Variants in NRG1 observed in about 807,000 individuals in gnomAD.
The protein encoded by NRG1 is pro-neuregulin-1, membrane-bound isoform.
NRG1 carries 18 observed loss-of-function variants against 63.8 expected under a neutral mutation model. That is an observed-to-expected ratio of 0.28 (90% CI 0.19 to 0.42). The LOEUF is 0.42. NRG1 is among the 10% of genes least tolerant of loss of function. The probability of loss-of-function intolerance (pLI) is 1.00; values close to 1 mark genes in which losing one functional copy is unlikely to be tolerated. For missense variants in NRG1, 762 were observed against 814.7 expected, an observed-to-expected ratio of 0.94 and a Z score of 0.79; for synonymous variants, 302 against 301.3, an observed-to-expected ratio of 1.00 and a Z score of -0.02.
intron 1 of NRG1, among the ~76,000 whole-genome samples, chr8:32,313,993 G>T (rs1857096892): frequency 6.6e-6 from 1 of 151,994 alleles, no homozygotes; most frequent in East Asian, 1.9e-4. Flanking sequence ...CCCAATGCTG[G>T]CCAGGTCATG....
In NRG1 at chr8:32,189,617, G is replaced by A. The variant is rs759519987; in HGVS notation, c.38-406211G>A. On this transcript the variant is annotated intron_variant, in intron 1 of 10. Coordinates refer to the NRG1 transcript ENST00000519301. Reference sequence around the variant, plus strand: ...AAGAAAGCAACTATAAAATGTCTGGGATAATGCCTATCAGGGTGGGGCTGC... The same window carrying A: ...AAGAAAGCAACTATAAAATGTCTGGAATAATGCCTATCAGGGTGGGGCTGC... 1.6e-4 allele frequency among the ~76,000 whole-genome samples: 25 copies of A among 152,102 alleles called. 1 individual carries two copies. The highest frequency in any genetic ancestry group is 1.6e-3 in the Admixed American group (24 of 15,266).
At chr8:32,595,333 G>T (rs1843167116) in intron 1 of NRG1, among the ~76,000 whole-genome samples, 1 of 151,946 alleles carries the variant, frequency 6.6e-6, no homozygotes, top group Admixed American at 6.6e-5. Flanking sequence ...GGGACTACAG[G>T]CACATGCCAC....
chr8:31,918,670 G>T lies in NRG1; in HGVS notation c.37+279239G>T, dbSNP rs1244239639. On this transcript the variant is annotated intron_variant, in intron 1 of 10. Coordinates refer to the NRG1 transcript ENST00000519301. Reference sequence around the variant, plus strand: ...ATATTGGTCTAAAATTCTCTTTTTTGTTTGTGTCTCTGTCCGGCTTTGGTA... The same window carrying T: ...ATATTGGTCTAAAATTCTCTTTTTTTTTTGTGTCTCTGTCCGGCTTTGGTA... Among the ~76,000 whole-genome samples, 26 of 152,024 alleles carry T rather than the reference G, an allele frequency of 1.7e-4. No homozygotes were observed. In the East Asian group the frequency reaches 3.1e-3, roughly 18 times the overall value.
chr8:32,196,940 A>ATTT (rs1458233142), intron 1 of NRG1, among the ~76,000 whole-genome samples: 9 of 33,976 alleles, frequency 2.6e-4, no homozygotes, highest in Admixed American at 5.2e-4. Flanking sequence ...TTCTCAGAAC[A>ATTT]TTCTTTTTTT....
At position 32,133,332 on chromosome 8, in the gene NRG1, G is replaced by C. The variant is rs142047401; in HGVS notation, c.38-462496G>C. Among the ~76,000 whole-genome samples, 184 of 152,120 alleles carry C rather than the reference G, an allele frequency of 1.2e-3. 1 individual carries two copies. The highest frequency in any genetic ancestry group is 4.2e-3 in the African/African-American group (173 of 41,510). ...GGTATGGAGAAGTCCCTGAATTCTA[G>C]TTTTTGCCAAATTCTGTGATGCAAA... On this transcript the variant is annotated intron_variant, in intron 1 of 10. Coordinates refer to the NRG1 transcript ENST00000519301.
chr8:32,765,875 G>A (rs2129063784), exon 12 of NRG1: 1 of 152,242 alleles, frequency 6.6e-6, no homozygotes, highest in East Asian at 1.9e-4. Flanking sequence ...AAATCCAAAG[G>A]AAGGCCTATA....
At chr8:32,747,722 A>ATGTG (rs202124854) in intron 7 of NRG1, among the ~76,000 whole-genome samples, 2 of 134,276 alleles carry the variant, frequency 1.5e-5, no homozygotes, top group East Asian at 2.3e-4. Flanking sequence ...GTGTGCATAT[A>ATGTG]TGTGTGTGTG....
At chr8:31,654,800 G>C (rs1288600966) in intron 1 of NRG1, among the ~76,000 whole-genome samples, 1 of 152,100 alleles carries the variant, frequency 6.6e-6, no homozygotes, top group African/African-American at 2.4e-5. Flanking sequence ...AATTTGCCAG[G>C]CTTGGTGGTG....
intron 1 of NRG1, among the ~76,000 whole-genome samples, chr8:31,747,258 G>A (rs568374689): frequency 6.6e-6 from 1 of 152,026 alleles, no homozygotes; most frequent in South Asian, 2.1e-4. Context: ...TTGCATGCCT[G>A]TATCAAAGCA....
intron 1 of NRG1, among the ~76,000 whole-genome samples, chr8:32,574,562 A>G (rs1839257873): frequency 6.6e-6 from 1 of 152,088 alleles, no homozygotes; most frequent in Non-Finnish European, 1.5e-5. Flanking sequence ...CCTCATGATA[A>G]TGACTAAGAT....
intron 1 of NRG1, among the ~76,000 whole-genome samples, chr8:31,939,474 T>C (rs1168992199): frequency 6.6e-6 from 1 of 150,728 alleles, no homozygotes. Context: ...AGCATAAATC[T>C]CACAGTACCT....
At chr8:32,556,963 A>AAT (rs1199245098) in intron 1 of NRG1, among the ~76,000 whole-genome samples, 3 of 152,204 alleles carry the variant, frequency 2.0e-5, no homozygotes, top group Non-Finnish European at 2.9e-5. Context: ...AAGTTAACAC[A>AAT]ATTTTTCATT....
chr8:32,249,087 A>G (rs1848848598), intron 1 of NRG1, among the ~76,000 whole-genome samples: 1 of 101,574 alleles, frequency 9.8e-6, no homozygotes, highest in African/African-American at 4.3e-5. Flanking sequence ...ATTAGAATAG[A>G]GCTCCTTTAA....
rs1192396101 is a variant in NRG1 at position 31,640,152 on chromosome 8, C to T, written c.37+721C>T. On this transcript the variant is annotated intron_variant, in intron 1 of 10. Transcript: ENST00000519301. The surrounding 1 kb of genome is among the most constrained non-coding windows in gnomAD (Gnocchi z 6.3). ...CGGCGGCCGGCAACGAGGCGGCTCC[C>T]GCGGGGGCCTCGGTGTGCTACTCGT... The T allele has an allele frequency of 5.1e-6, 6 of 1,175,762 alleles. No homozygotes were observed. Among genetic ancestry groups the T allele is most frequent in the Non-Finnish European group, 6.3e-6 (6 of 952,088 alleles). 72.8% of individuals were successfully genotyped at this position (1,175,762 alleles called of 1,614,324 possible). A position where few individuals can be genotyped will look rare whatever the true frequency, so the allele number is the denominator to read the frequency against.
intron 1 of NRG1, among the ~76,000 whole-genome samples, chr8:32,414,636 T>A (rs1815601859): frequency 6.6e-6 from 1 of 152,180 alleles, no homozygotes; most frequent in East Asian, 1.9e-4. Flanking sequence ...CTGGTTTTGC[T>A]CCTGTTTGTG....
intron 1 of NRG1, among the ~76,000 whole-genome samples, chr8:32,064,873 T>C (rs1263848352): frequency 1.3e-5 from 2 of 152,160 alleles, no homozygotes; most frequent in East Asian, 3.9e-4. Context: ...CCATTTTAAG[T>C]ACAGATACTG....
At chr8:32,501,122 A>G (rs1182853474) in intron 1 of NRG1, among the ~76,000 whole-genome samples, 1 of 152,244 alleles carries the variant, frequency 6.6e-6, no homozygotes, top group South Asian at 2.1e-4. Flanking sequence ...TCAGAAAAGC[A>G]TCGGCATAAA....
At chr8:31,743,560 ATG>A (rs71974137) in intron 1 of NRG1, among the ~76,000 whole-genome samples, 41 of 151,230 alleles carry the variant, frequency 2.7e-4, no homozygotes, top group Admixed American at 3.3e-4. Context: ...ATTGTTTAAT[ATG>A]TGTGTGTGTG....
intron 1 of NRG1, among the ~76,000 whole-genome samples, chr8:31,840,511 A>G (rs1826098966): frequency 6.6e-6 from 1 of 152,074 alleles, no homozygotes; most frequent in South Asian, 2.1e-4. Context: ...TTTATCCAAG[A>G]ATAAGTAGGC....
Sources: gnomAD v4.1 joint callset for allele counts (sites outside exome capture counted in the v4.1 genomes callset) on GRCh38, gnomAD v4.1.1 for gene constraint, Gnocchi (gnomAD v3.1) non-coding constraint, MANE v1.5 for transcripts, NCBI Gene and HGNC (gene_info 2026-07-23, HGNC 2026-07-21) for gene names.